SNAPC5: variants seen among roughly 807,000 people sequenced by gnomAD.
SNAPC5 encodes small nuclear RNA activating complex polypeptide 5.
A neutral mutation model predicts 9.1 loss-of-function variants in SNAPC5; 12 were observed. The ratio of observed to expected loss-of-function variants is 1.32; its 90% CI spans 0.85 to 2.15. The LOEUF (loss-of-function observed/expected upper bound fraction) is 2.15, where lower values mean the gene tolerates loss of function less well. SNAPC5 is among the 30% of genes most tolerant of loss of function. The pLI is 0.00. For synonymous variants in SNAPC5, 52 were observed against 47.3 expected, an observed-to-expected ratio of 1.10 and a Z score of -0.41; for missense variants, 132 against 114.4, an observed-to-expected ratio of 1.15 and a Z score of -0.70.
At position 66,495,327 on chromosome 15, in the gene SNAPC5, T is replaced by C. The variant is rs1567031006; in HGVS notation, c.180+3A>G. ...TCCTAGGCCTGCACTTGATTAAGCT[T>C]ACATCATGTGACTGTTCAGGTACAG... On this transcript the variant is annotated splice_donor_region_variant and intron_variant, in intron 2 of 2. Coordinates refer to ENST00000316634, the MANE Select transcript of SNAPC5 (RefSeq NM_001329615.2). 1.9e-6 allele frequency: 3 copies of C among 1,547,170 alleles called. No individual in the cohort carries two copies. In the East Asian group the frequency reaches 6.7e-5, roughly 35 times the overall value.
chr15:66,497,702 C>T lies in SNAPC5; in HGVS notation c.30G>A (p.Lys10=). The change falls in exon 1 of 3, where the codon AAG becomes AAA. Residue 10 remains lysine (K), a synonymous_variant. Transcript: ENST00000316634. MLSRLQELR[K]EEETLLRLKA... is the part of the protein sequence containing the mutation. Reference sequence around the variant, plus strand: ...TCAACCGCAGCAGCGTCTCCTCCTCCTTGCGCAGTTCCTGAAGCCGGCTCA... The same window carrying T: ...TCAACCGCAGCAGCGTCTCCTCCTCTTTGCGCAGTTCCTGAAGCCGGCTCA... The T allele has an allele frequency of 6.2e-7, 1 of 1,613,668 alleles. No individual in the cohort carries two copies. The highest frequency in any genetic ancestry group is 8.5e-7 in the Non-Finnish European group (1 of 1,179,976).
At chr15:66,494,873 A>C (rs1330694055) in intron 2 of SNAPC5, 1 of 328,610 alleles carries the variant, frequency 3.0e-6, no homozygotes, top group Non-Finnish European at 5.6e-6. Context: ...AACTGCTCAA[A>C]TATTGTGTAC....
chr15:66,490,449 T>G, downstream of SNAPC5: 1 of 1,323,804 alleles, frequency 7.6e-7, no homozygotes, highest in Non-Finnish European at 1.1e-6. Flanking sequence ...CCTGGTGGGT[T>G]TTGTTTTTTT....
Position 66,493,789 on chromosome 15 carries a change from G to A in SNAPC5, c.*647C>T, listed in dbSNP as rs1283496998. 1 of 151,964 alleles carries A rather than the reference G, an allele frequency of 6.6e-6. No individual in the cohort carries two copies. Among genetic ancestry groups the A allele is most frequent in the Non-Finnish European group, 1.5e-5 (1 of 68,022 alleles). 9.4% of individuals were successfully genotyped at this position (151,964 alleles called of 1,614,324 possible). On this transcript the variant is annotated 3_prime_UTR_variant, in exon 3 of 3. Transcript: ENST00000316634. ...AGAGAAGGAACTGCTGCTTCTCTCT[G>A]TCGCTATCTAGAAACCAGCAGGCTC...
rs1555421751 is a variant in SNAPC5 at position 66,494,484 on chromosome 15, A to G, written c.249T>C (p.His83=). The change falls in exon 3 of 3, where the codon CAT becomes CAC. Residue 83 remains histidine, a synonymous_variant. Coordinates refer to ENST00000316634, the MANE Select transcript of SNAPC5 (RefSeq NM_001329615.2). ...QTTLELSTKS[H]VTEEEEEEEE... ...CTTCCTCCTCCTCCTCTTCCGTCAC[A>G]TGACTCTTTGTGCTCAGCTCCAGGG... 3.1e-6 allele frequency: 5 copies of G among 1,613,906 alleles called. No homozygotes were observed. The South Asian group carries it at 4.4e-5, about 14-fold the overall frequency.
chr15:66,495,709 A>G (rs1394105004), intron 1 of SNAPC5, among the ~76,000 whole-genome samples: 1 of 150,688 alleles, frequency 6.6e-6, no homozygotes, highest in African/African-American at 2.4e-5. Flanking sequence ...TGTGTCATTA[A>G]AACAGCCAGG....
chr15:66,494,602 A>C (rs762165771), intron 2 of SNAPC5, 50 bp from the exon 3 acceptor site: 1 of 1,298,102 alleles, frequency 7.7e-7, no homozygotes, highest in Non-Finnish European at 1.1e-6. Context: ...GCTGGCCTCA[A>C]AACAGCAAAT....
downstream of SNAPC5, chr15:66,490,660 G>A (rs776051290): frequency 6.7e-7 from 1 of 1,487,596 alleles, no homozygotes; most frequent in Non-Finnish European, 9.4e-7. Context: ...CCGGTGGTTT[G>A]CCATGTCGCT....
rs144133883 is a variant in SNAPC5, at chr15:66,497,658, T to C, written c.74A>G (p.Gln25Arg). 2.5e-6 allele frequency: 4 copies of C among 1,613,956 alleles called. No homozygotes were observed. The African/African-American group carries it at 5.3e-5, about 22-fold the overall frequency. The change falls in exon 1 of 3, where the codon CAG (glutamine) becomes CGG (arginine). Residue 25 changes from glutamine to arginine, a missense_variant. By Grantham distance (43) the Gln-to-Arg change is conservative (BLOSUM62 1). Coordinates refer to ENST00000316634, the MANE Select transcript of SNAPC5 (RefSeq NM_001329615.2). Reference protein sequence around the residue: ...LLRLKAALHDQLNRLKVEELA... With the variant: ...LLRLKAALHDRLNRLKVEELA... The stretch of plus-strand genomic sequence containing the variant: ...CGGGGTCACCTTGAGGCGGTTCAGC[T>C]GGTCGTGCAGGGCTGCCTTCAACCG...
downstream of SNAPC5, chr15:66,489,954 C>T (rs554803216): frequency 1.2e-4 from 80 of 663,488 alleles, 1 homozygote; most frequent in East Asian, 1.5e-3. Context: ...CTGGGGTGAC[C>T]CCCGCAGCCT....
At chr15:66,491,160 T>C (rs1157278107), downstream of SNAPC5, 2 of 281,898 alleles carry the variant, frequency 7.1e-6, no homozygotes, top group Non-Finnish European at 1.4e-5. Flanking sequence ...AACTCAGCAG[T>C]TGACATCCAA....
chr15:66,496,414 A>C (rs954174769), intron 1 of SNAPC5, among the ~76,000 whole-genome samples: 1 of 152,076 alleles, frequency 6.6e-6, no homozygotes, highest in Non-Finnish European at 1.5e-5. Flanking sequence ...GCAGTGAGCC[A>C]AGATTGCGCC....
At chr15:66,492,987 C>G (rs1419520504), downstream of SNAPC5, among the ~76,000 whole-genome samples, 4 of 152,140 alleles carry the variant, frequency 2.6e-5, no homozygotes, top group Non-Finnish European at 5.9e-5. Context: ...TTAAATTAGA[C>G]CCCCAAAATT....
chr15:66,489,818 C>A, downstream of SNAPC5: 1 of 1,437,158 alleles, frequency 7.0e-7, no homozygotes, highest in Non-Finnish European at 9.8e-7. Context: ...TTGTTCTTCT[C>A]TGTCAGTCAT....
At chr15:66,494,782 C>G (rs998501815) in intron 2 of SNAPC5, 6 of 461,310 alleles carry the variant, frequency 1.3e-5, no homozygotes, top group African/African-American at 1.2e-4. Context: ...CATTATTACA[C>G]AAAGCTCCAT....
downstream of SNAPC5, chr15:66,490,680 C>T (rs1264694706): frequency 9.2e-7 from 1 of 1,083,446 alleles, no homozygotes; most frequent in Non-Finnish European, 1.4e-6. Flanking sequence ...TTTTGGGCCT[C>T]CTTCCCATGC....
At chr15:66,497,556 C>G in intron 1 of SNAPC5, 86 bp downstream of exon 1, 1 of 1,160,008 alleles carries the variant, frequency 8.6e-7, no homozygotes, top group Non-Finnish European at 1.3e-6. Flanking sequence ...CTGGCCGCAG[C>G]AGGTGGTCAC....
downstream of SNAPC5, chr15:66,490,574 C>A (rs1893222286): frequency 1.9e-6 from 3 of 1,614,184 alleles, no homozygotes; most frequent in Non-Finnish European, 2.5e-6. Flanking sequence ...CACCATCGGC[C>A]TTAACCAGCC....
At chr15:66,495,942 G>C (rs1485659530) in intron 1 of SNAPC5, among the ~76,000 whole-genome samples, 2 of 152,250 alleles carry the variant, frequency 1.3e-5, no homozygotes, top group African/African-American at 2.4e-5. Context: ...CCCTAAGGAG[G>C]CCGGGCGCGG....
Sources: allele counts gnomAD v4.1 joint callset (sites outside exome capture counted in the v4.1 genomes callset), GRCh38; gene constraint gnomAD v4.1.1; transcripts MANE v1.5; gene names NCBI Gene and HGNC (gene_info 2026-07-23, HGNC 2026-07-21).